PTPN20: variants seen among roughly 807,000 people sequenced by gnomAD.
PTPN20 encodes protein tyrosine phosphatase non-receptor type 20, also known as tyrosine-protein phosphatase non-receptor type 20.
Under a neutral mutation model 35.0 loss-of-function variants are expected in PTPN20, and 9 were observed. The observed-to-expected ratio is 0.26, with a 90% CI of 0.15 to 0.45. The LOEUF (loss-of-function observed/expected upper bound fraction) is 0.45. Ranked by LOEUF, PTPN20 falls within the 20% of genes least tolerant of loss-of-function variation. The pLI is 1.00. For synonymous variants in PTPN20, 32 were observed against 100.2 expected (o/e 0.32, Z 4.06); for missense variants, 111 against 312.5 (o/e 0.36, Z 4.86).
At chr10:46,988,866 A>G (rs2057360066) in intron 9 of PTPN20, among the ~76,000 whole-genome samples, 1 of 149,498 alleles carries the variant, frequency 6.7e-6, no homozygotes, top group Admixed American at 6.7e-5. Flanking sequence ...TTTAATAGCT[A>G]TTGTAAATAA....
chr10:46,933,243 A>G (rs1229388689), intron 2 of PTPN20, among the ~76,000 whole-genome samples: 6 of 141,828 alleles, frequency 4.2e-5, no homozygotes, highest in Non-Finnish European at 1.5e-5. Flanking sequence ...TTGTCTATAT[A>G]CTGTGAAATG....
intron 5 of PTPN20, among the ~76,000 whole-genome samples, chr10:46,957,462 A>G: frequency 6.6e-6 from 1 of 151,918 alleles, no homozygotes; most frequent in Non-Finnish European, 1.5e-5. Context: ...TAGGCCAGGC[A>G]TGGTGGCTCA....
At chr10:46,926,434 A>G (rs1311656679) in intron 1 of PTPN20, among the ~76,000 whole-genome samples, 1 of 151,838 alleles carries the variant, frequency 6.6e-6, no homozygotes, top group African/African-American at 2.4e-5. Flanking sequence ...AAATATTGCA[A>G]CATTACACAG....
intron 5 of PTPN20, among the ~76,000 whole-genome samples, chr10:46,947,659 G>A (rs1348921969): frequency 3.3e-4 from 50 of 151,290 alleles, no homozygotes; most frequent in African/African-American, 9.7e-4. Context: ...CCCTACCACC[G>A]GTGCCTAGCA....
At chr10:46,994,334 T>G (rs1385729400) in intron 9 of PTPN20, among the ~76,000 whole-genome samples, 4 of 137,524 alleles carry the variant, frequency 2.9e-5, no homozygotes, top group African/African-American at 1.1e-4. Flanking sequence ...TTTTTTTTTT[T>G]TTTTTTTTTT....
At chr10:46,960,405 ATTCTT>A (rs2049613435) in intron 5 of PTPN20, among the ~76,000 whole-genome samples, 2 of 106,166 alleles carry the variant, frequency 1.9e-5, no homozygotes, top group Admixed American at 1.8e-4. Context: ...TAATTCATGA[ATTCTT>A]TTCTTGCCTC....
chr10:46,929,565 AT>A (rs2038897879), intron 1 of PTPN20, among the ~76,000 whole-genome samples: 1 of 151,662 alleles, frequency 6.6e-6, no homozygotes, highest in African/African-American at 2.4e-5. Context: ...TCTTTATGGA[AT>A]TTAACTAATT....
Position 46,981,064 on chromosome 10 carries a change from C to T in PTPN20, c.584-3166C>T, listed in dbSNP as rs1339833044. ...TCATGGGCTATGTTTAATGGCTTAG[C>T]TGGATGGTCAGGGAATTTGAAGGAA... is the stretch of plus-strand genomic sequence containing the variant. On this transcript the variant is annotated intron_variant, in intron 7 of 10. Transcript: ENST00000374339. Among the ~76,000 whole-genome samples, 11 of 150,130 alleles carry T rather than the reference C, an allele frequency of 7.3e-5. 1 individual carries two copies. The South Asian group carries it at 2.4e-3, about 33-fold the overall frequency.
intron 9 of PTPN20, among the ~76,000 whole-genome samples, chr10:46,993,066 A>G (rs1313054185): frequency 6.6e-6 from 1 of 152,102 alleles, no homozygotes; most frequent in African/African-American, 2.4e-5. Flanking sequence ...ATACTGGAAG[A>G]GTTTGGGGTG....
chr10:46,951,509 TA>T (rs1190868690), intron 5 of PTPN20, among the ~76,000 whole-genome samples: 1 of 152,248 alleles, frequency 6.6e-6, no homozygotes, highest in Non-Finnish European at 1.5e-5. Context: ...CTAAAATGTT[TA>T]AAAAGGTCTT....
intron 5 of PTPN20, among the ~76,000 whole-genome samples, chr10:46,959,152 C>A (rs2049166967): frequency 7.6e-6 from 1 of 131,022 alleles, no homozygotes; most frequent in East Asian, 2.3e-4. Flanking sequence ...CTCTTCATTT[C>A]TGTCAATTTT....
At chr10:46,992,516 G>A (rs1589952332) in intron 9 of PTPN20, among the ~76,000 whole-genome samples, 1 of 151,992 alleles carries the variant, frequency 6.6e-6, no homozygotes, top group Non-Finnish European at 1.5e-5. Flanking sequence ...GGTCTATTCC[G>A]TTGTTAATGC....
At chr10:46,940,542 T>C in intron 2 of PTPN20, 81 bp from the exon 3 acceptor site, 1 of 1,435,078 alleles carries the variant, frequency 7.0e-7, no homozygotes, top group South Asian at 1.2e-5. Context: ...TCATGTAGCT[T>C]GTTTTTTCTC....
intron 9 of PTPN20, among the ~76,000 whole-genome samples, chr10:46,992,174 G>T (rs2058096408): frequency 6.7e-6 from 1 of 148,856 alleles, no homozygotes; most frequent in South Asian, 2.1e-4. Context: ...CCAGGCTGGA[G>T]TGCAGTGGCG....
intron 2 of PTPN20, among the ~76,000 whole-genome samples, chr10:46,934,448 G>T (rs1179745995): frequency 6.6e-6 from 1 of 152,094 alleles, no homozygotes; most frequent in Non-Finnish European, 1.5e-5. Flanking sequence ...GATGCCTTTT[G>T]TTTGTTTCTC....
intron 7 of PTPN20, among the ~76,000 whole-genome samples, chr10:46,983,792 C>A (rs2056263515): frequency 1.4e-5 from 2 of 141,768 alleles, no homozygotes; most frequent in African/African-American, 2.9e-5. Context: ...TTTTTTTTCC[C>A]CTGGCCCCTG....
chr10:46,999,551 C>T (rs896908135), intron 9 of PTPN20, among the ~76,000 whole-genome samples: 20 of 152,292 alleles, frequency 1.3e-4, no homozygotes, highest in Admixed American at 6.5e-4. Flanking sequence ...CAGGGATCTT[C>T]ATATAAGAAA....
chr10:46,932,100 A>T (rs868944433), intron 1 of PTPN20, among the ~76,000 whole-genome samples: 8 of 148,726 alleles, frequency 5.4e-5, no homozygotes, highest in African/African-American at 1.8e-4. Flanking sequence ...GTGTTTATAT[A>T]AAGAGATACG....
intron 9 of PTPN20, among the ~76,000 whole-genome samples, chr10:46,997,201 A>G (rs2059267584): frequency 6.6e-6 from 1 of 152,056 alleles, no homozygotes; most frequent in Admixed American, 6.5e-5. Context: ...TGTTAAATTT[A>G]CCCTATTCAT....
Sources: allele counts gnomAD v4.1 joint callset (sites outside exome capture counted in the v4.1 genomes callset), GRCh38; gene constraint gnomAD v4.1.1; transcripts MANE v1.5; gene names NCBI Gene and HGNC (gene_info 2026-07-23, HGNC 2026-07-21).